TMEM232: variants seen among roughly 807,000 people sequenced by gnomAD.
TMEM232 encodes transmembrane protein 232.
In TMEM232, 80 loss-of-function variants were observed where a neutral mutation model predicts 78.8. That is an observed-to-expected ratio of 1.01 (90% confidence interval 0.85 to 1.22). TMEM232 has a LOEUF of 1.22. Ranked by LOEUF, TMEM232 falls within the 50% of genes most tolerant of loss-of-function variation. The pLI is 0.00. For missense variants in TMEM232, 881 were observed against 742.2 expected, an observed-to-expected ratio of 1.19 and a Z score of -2.17; for synonymous variants, 297 against 254.3, an observed-to-expected ratio of 1.17 and a Z score of -1.60.
chr5:110,430,955 C>A (rs1561485778), intron 12 of TMEM232, among the ~76,000 whole-genome samples: 1 of 151,728 alleles, frequency 6.6e-6, no homozygotes, highest in Non-Finnish European at 1.5e-5. Context: ...ATATACTTCT[C>A]CTTAGAGCAT....
chr5:110,656,603 G>A (rs1235812837), intron 2 of TMEM232, among the ~76,000 whole-genome samples: 2 of 152,158 alleles, frequency 1.3e-5, no homozygotes, highest in Admixed American at 1.3e-4. Flanking sequence ...ACTTTGGGAG[G>A]CTGAGGCGGG....
At chr5:110,647,436 T>C (rs541776467) in intron 2 of TMEM232, among the ~76,000 whole-genome samples, 2 of 152,132 alleles carry the variant, frequency 1.3e-5, no homozygotes, top group Admixed American at 6.6e-5. Context: ...CTGTTATACC[T>C]ACGCAATGTC....
chr5:110,724,111 T>G (rs1212425689), intron 1 of TMEM232, among the ~76,000 whole-genome samples: 2 of 152,194 alleles, frequency 1.3e-5, no homozygotes, highest in Admixed American at 6.5e-5. Flanking sequence ...TCAAACCTAT[T>G]TCTTCAGTAA....
chr5:110,519,650 T>A (rs910702105), intron 12 of TMEM232, among the ~76,000 whole-genome samples: 5 of 152,000 alleles, frequency 3.3e-5, no homozygotes, highest in African/African-American at 1.2e-4. Context: ...AAAATCAGTA[T>A]ATCAAAGGAA....
intron 10 of TMEM232, among the ~76,000 whole-genome samples, chr5:110,604,055 A>G (rs1216019608): frequency 6.6e-6 from 1 of 152,210 alleles, no homozygotes; most frequent in Non-Finnish European, 1.5e-5. Flanking sequence ...TAAATCCACT[A>G]TCATAATTGC....
At chr5:110,658,122 A>G (rs902917330) in intron 2 of TMEM232, among the ~76,000 whole-genome samples, 1 of 152,124 alleles carries the variant, frequency 6.6e-6, no homozygotes, top group Non-Finnish European at 1.5e-5. Context: ...GCAGAAATTC[A>G]TTCTATGAAT....
rs188436375 is a variant in TMEM232 at position 110,699,510 on chromosome 5, G to A, written c.-13+27117C>T. Reference sequence around the variant, plus strand: ...GAGATCCCGAAACTGGTTTACTTATGGGCACAATTGCAAAGAGCTGGCTCA... The same window carrying A: ...GAGATCCCGAAACTGGTTTACTTATAGGCACAATTGCAAAGAGCTGGCTCA... On this transcript the variant is annotated intron_variant, in intron 1 of 13. Transcript: ENST00000455884. Among the ~76,000 whole-genome samples the A allele has an allele frequency of 1.5e-4, 23 of 152,060 alleles. No homozygotes were observed. In the East Asian group the frequency reaches 3.9e-3, roughly 26 times the overall value.
intron 12 of TMEM232, among the ~76,000 whole-genome samples, chr5:110,472,297 T>A (rs1386584156): frequency 6.6e-6 from 1 of 151,768 alleles, no homozygotes; most frequent in Non-Finnish European, 1.5e-5. Context: ...CCATTCACAA[T>A]AACTACAAAA....
rs549251013 is a variant in TMEM232, at chr5:110,713,542, A to G, written c.-13+13085T>C. ...AAATATATACACCTACTATGCACCC[A>G]TAAGAAAAAAAAATAAGACTTAAGT... is the stretch of plus-strand genomic sequence containing the variant. On this transcript the variant is annotated intron_variant, in intron 1 of 13. Transcript: ENST00000455884. 2.6e-5 allele frequency among the ~76,000 whole-genome samples: 4 copies of G among 152,230 alleles called. No homozygotes were observed. The South Asian group carries it at 8.3e-4, about 32-fold the overall frequency.
intron 1 of TMEM232, among the ~76,000 whole-genome samples, chr5:110,710,193 T>C (rs902264267): frequency 6.6e-6 from 1 of 152,086 alleles, no homozygotes; most frequent in Non-Finnish European, 1.5e-5. Context: ...ACATACAACC[T>C]ACCAAGATTG....
At chr5:110,531,617 C>T (rs759937484) in intron 11 of TMEM232, among the ~76,000 whole-genome samples, 15 of 152,196 alleles carry the variant, frequency 9.9e-5, no homozygotes, top group Non-Finnish European at 2.1e-4. Context: ...ACAAAGGAGA[C>T]ATGTTTTATT....
intron 10 of TMEM232, among the ~76,000 whole-genome samples, chr5:110,579,286 T>C (rs889861064): frequency 6.6e-6 from 1 of 150,772 alleles, no homozygotes; most frequent in Non-Finnish European, 1.5e-5. Context: ...AAATACTTTC[T>C]CAGACAAACA....
At chr5:110,388,389 G>A (rs181584753) in intron 4 of TMEM232, among the ~76,000 whole-genome samples, 1 of 152,166 alleles carries the variant, frequency 6.6e-6, no homozygotes, top group African/African-American at 2.4e-5. Flanking sequence ...TATTCCTATC[G>A]GCACAACTGC....
Position 110,638,356 on chromosome 5 carries a change from C to G in TMEM232, c.344-1G>C. 1 of 1,526,152 alleles carries G rather than the reference C, an allele frequency of 6.6e-7. No individual in the cohort carries two copies. The highest frequency in any genetic ancestry group is 8.8e-7 in the Non-Finnish European group (1 of 1,138,326). The allele number at this position is 1,526,152 out of a possible 1,614,324, so 94.5% of individuals were successfully genotyped here. A position where few individuals can be genotyped will look rare whatever the true frequency, so the allele number is the denominator to read the frequency against. Reference sequence around the variant, plus strand: ...GATGCATAAAGCATATTTAAAGATTCTGAAATATTAAAAATATAGAAACTG... The same window carrying G: ...GATGCATAAAGCATATTTAAAGATTGTGAAATATTAAAAATATAGAAACTG... On this transcript the variant is annotated splice_acceptor_variant, in intron 4 of 13. Coordinates refer to ENST00000455884, the MANE Select transcript of TMEM232 (RefSeq NM_001039763.4). LOFTEE classifies it high-confidence loss of function.
intron 1 of TMEM232, among the ~76,000 whole-genome samples, chr5:110,675,425 A>C (rs1791907009): frequency 6.6e-6 from 1 of 152,134 alleles, no homozygotes; most frequent in South Asian, 2.1e-4. Flanking sequence ...CAAATGGAGG[A>C]GTTTACACCA....
intron 12 of TMEM232, among the ~76,000 whole-genome samples, chr5:110,460,384 G>A (rs918456091): frequency 5.3e-5 from 8 of 151,954 alleles, no homozygotes; most frequent in African/African-American, 1.4e-4. Flanking sequence ...GTGAATCTGG[G>A]AAAAGGGTAT....
chr5:110,420,464 T>C lies in TMEM232; in HGVS notation c.*116A>G. The C allele has an allele frequency of 1.6e-6, 1 of 628,372 alleles. No homozygotes were observed. The highest frequency in any genetic ancestry group is 3.4e-5 in the East Asian group (1 of 29,396). The allele number at this position is 628,372 out of a possible 1,614,324, so 38.9% of individuals were successfully genotyped here. A position where few individuals can be genotyped will look rare whatever the true frequency, so the allele number is the denominator to read the frequency against. On this transcript the variant is annotated 3_prime_UTR_variant, in exon 14 of 14. Transcript: ENST00000455884. ...AGGAAAACAAATTCTTTCTAAACAA[T>C]ACCTCCATTTAATGACAAGAAAGTT...
At chr5:110,711,314 T>C (rs188575538) in intron 1 of TMEM232, among the ~76,000 whole-genome samples, 7 of 152,282 alleles carry the variant, frequency 4.6e-5, no homozygotes, top group African/African-American at 9.6e-5. Context: ...AGAATCAATA[T>C]TGTTAAAATG....
chr5:110,547,631 C>G (rs541225342), intron 11 of TMEM232, among the ~76,000 whole-genome samples: 1 of 152,156 alleles, frequency 6.6e-6, no homozygotes, highest in East Asian at 1.9e-4. Flanking sequence ...AATTGGACAC[C>G]TGAATTTATG....
Sources: allele counts gnomAD v4.1 joint callset (sites outside exome capture counted in the v4.1 genomes callset), GRCh38; gene constraint gnomAD v4.1.1; transcripts MANE v1.5; gene names NCBI Gene and HGNC (gene_info 2026-07-23, HGNC 2026-07-21).